Variants in PCDHA3 observed in about 807,000 individuals in gnomAD.
The protein encoded by PCDHA3 is protocadherin alpha-3.
A neutral mutation model predicts 62.2 loss-of-function variants in PCDHA3; 41 were observed. That is an observed-to-expected ratio of 0.66 (90% CI 0.51 to 0.86). The LOEUF is 0.86. Among genes scored for constraint, PCDHA3 ranks in the 40% least tolerant of loss-of-function variants. The pLI, the probability that PCDHA3 is intolerant of heterozygous loss-of-function variation, is 0.00. For synonymous variants in PCDHA3, 640 were observed against 555.4 expected, an observed-to-expected ratio of 1.15 and a Z score of -2.14; for missense variants, 1,304 against 1,241.2, an observed-to-expected ratio of 1.05 and a Z score of -0.76.
At chr5:140,977,732 G>A (rs538865467) in intron 1 of PCDHA3, among the ~76,000 whole-genome samples, 2 of 152,048 alleles carry the variant, frequency 1.3e-5, no homozygotes, top group African/African-American at 2.4e-5. Flanking sequence ...TTCTCTCCTG[G>A]GTGTTATGAA....
chr5:140,834,539 G>A (rs1489443393), intron 1 of PCDHA3: 2 of 1,613,968 alleles, frequency 1.2e-6, no homozygotes, highest in Non-Finnish European at 1.7e-6. Flanking sequence ...CGCAGGACCT[G>A]GGGCTGGAGC....
At chr5:140,844,484 A>G (rs1442751127) in intron 1 of PCDHA3, among the ~76,000 whole-genome samples, 1 of 149,426 alleles carries the variant, frequency 6.7e-6, no homozygotes, top group Non-Finnish European at 1.5e-5. Context: ...CTCTATGTTT[A>G]GGAAATGATT....
intron 1 of PCDHA3, among the ~76,000 whole-genome samples, chr5:140,954,172 T>C (rs1297030972): frequency 6.6e-6 from 1 of 152,246 alleles, no homozygotes; most frequent in Non-Finnish European, 1.5e-5. Flanking sequence ...ATTTTCTTTA[T>C]CCAGTCTATC....
intron 1 of PCDHA3, among the ~76,000 whole-genome samples, chr5:140,903,704 A>G (rs2070513598): frequency 6.6e-6 from 1 of 152,234 alleles, no homozygotes; most frequent in Admixed American, 6.5e-5. Context: ...AAATAGTAAT[A>G]AAATATACAA....
chr5:140,973,606 G>A (rs1554235444), intron 1 of PCDHA3, among the ~76,000 whole-genome samples: 1 of 152,204 alleles, frequency 6.6e-6, no homozygotes, highest in African/African-American at 2.4e-5. Flanking sequence ...TTATGGCTGA[G>A]CTCTTCTCTG....
At chr5:140,973,040 T>G (rs529820612) in intron 1 of PCDHA3, among the ~76,000 whole-genome samples, 23 of 152,264 alleles carry the variant, frequency 1.5e-4, no homozygotes, top group African/African-American at 5.5e-4. Flanking sequence ...CTTTGAGTAC[T>G]CTAGTAGATT....
intron 1 of PCDHA3, chr5:140,877,792 C>A (rs782259804): frequency 1.9e-6 from 3 of 1,613,886 alleles, no homozygotes; most frequent in Non-Finnish European, 2.5e-6. Flanking sequence ...GGCCTTCAGC[C>A]CAAGCCTTCA....
At chr5:140,876,714 CCGCGAGAG>C in intron 1 of PCDHA3, 1 of 1,614,230 alleles carries the variant, frequency 6.2e-7, no homozygotes, top group East Asian at 2.2e-5. Context: ...GCGCCCTGGA[CCGCGAGAG>C]CGTGTCGGCC....
At chr5:140,884,143 G>C (rs782116778) in intron 1 of PCDHA3, 1 of 1,613,438 alleles carries the variant, frequency 6.2e-7, no homozygotes. Context: ...TCCGCGTGGG[G>C]CTGTACACTG....
At chr5:140,936,419 TTTAA>T (rs1159041231) in intron 1 of PCDHA3, among the ~76,000 whole-genome samples, 4 of 152,184 alleles carry the variant, frequency 2.6e-5, no homozygotes, top group Non-Finnish European at 5.9e-5. Context: ...TGTTACTAAT[TTTAA>T]TTAATTTAAG....
At position 140,822,973 on chromosome 5, in the gene PCDHA3, T is replaced by C. The variant is rs2150120901; in HGVS notation, c.2394+19382T>C. 64 of 1,614,248 alleles carry C rather than the reference T, an allele frequency of 4.0e-5. 1 individual carries two copies. The South Asian group carries it at 6.6e-4, about 17-fold the overall frequency. On this transcript the variant is annotated intron_variant, in intron 1 of 3. Coordinates refer to ENST00000522353, the MANE Select transcript of PCDHA3 (RefSeq NM_018906.3). ...CGTTCCCTTCAAGCTGGTGTCCACC[T>C]TCAAGAATTACTACTCGTTGGTGCT...
chr5:140,903,163 G>T (rs2070058285), intron 1 of PCDHA3, among the ~76,000 whole-genome samples: 1 of 152,096 alleles, frequency 6.6e-6, no homozygotes, highest in Non-Finnish European at 1.5e-5. Flanking sequence ...GGTTGTGCTG[G>T]TTTACATTCC....
chr5:140,858,005 C>T, intron 1 of PCDHA3: 1 of 1,596,884 alleles, frequency 6.3e-7, no homozygotes, highest in East Asian at 2.2e-5. Flanking sequence ...GGTGAAGGAC[C>T]ATGGCGAGCC....
At chr5:140,834,336 ATTCGAAGGCAAGTTTTGCTGACTAG>A in intron 1 of PCDHA3, 1 of 1,499,956 alleles carries the variant, frequency 6.7e-7, no homozygotes, top group Non-Finnish European at 9.0e-7. Context: ...ATTCCTATAA[ATTCGAAGGCAAGTTTTGCTGACTAG>A]AAAAACAAGC....
intron 1 of PCDHA3, chr5:140,830,257 G>C: frequency 6.2e-7 from 1 of 1,613,692 alleles, no homozygotes; most frequent in Non-Finnish European, 8.5e-7. Context: ...CAGCGCTGCG[G>C]TGCTCGGCGC....
intron 1 of PCDHA3, chr5:140,831,346 C>T (rs1204260728): frequency 1.4e-5 from 2 of 140,818 alleles, no homozygotes; most frequent in South Asian, 2.4e-4. Context: ...GTAATTTAAA[C>T]TATTCACTAT....
intron 1 of PCDHA3, chr5:140,876,526 G>T: frequency 6.2e-7 from 1 of 1,614,164 alleles, no homozygotes; most frequent in Non-Finnish European, 8.5e-7. Context: ...TGAAGTAATG[G>T]TTACTTCACT....
In PCDHA3 at chr5:140,801,955, A is replaced by C; in HGVS notation, c.758A>C (p.Glu253Ala). The C allele has an allele frequency of 6.2e-7, 1 of 1,614,214 alleles. No individual in the cohort carries two copies. Among genetic ancestry groups the C allele is most frequent in the South Asian group, 1.1e-5 (1 of 91,088 alleles). ...ERTIYKVRLL[E>A]NAPNGTLVVT... Reference sequence around the variant, plus strand: ...ACGATCTATAAAGTCAGATTACTCGAAAATGCACCAAATGGTACCCTAGTG... The same window carrying C: ...ACGATCTATAAAGTCAGATTACTCGCAAATGCACCAAATGGTACCCTAGTG... Residue 253 changes from glutamate (E) to alanine (A), a missense_variant, in exon 1 of 4, where the codon GAA becomes GCA. Physicochemically the swap from Glu to Ala is moderately radical, Grantham distance 107. Transcript: ENST00000522353.
At chr5:140,877,575 C>T (rs1244471489) in intron 1 of PCDHA3, 1 of 1,613,826 alleles carries the variant, frequency 6.2e-7, no homozygotes, top group Non-Finnish European at 8.5e-7. Context: ...TGTACCTCAT[C>T]ATCGCCATCT....
Sources: gnomAD v4.1 joint callset for allele counts (sites outside exome capture counted in the v4.1 genomes callset) on GRCh38, gnomAD v4.1.1 for gene constraint, MANE v1.5 for transcripts, NCBI Gene and HGNC (gene_info 2026-07-23, HGNC 2026-07-21) for gene names.